CHST8: variants seen among roughly 807,000 people sequenced by gnomAD.
CHST8 encodes the protein carbohydrate sulfotransferase 8, also known as GALNAC-4-ST1.
Under a neutral mutation model 15.0 loss-of-function variants are expected in CHST8, and 10 were observed. The observed-to-expected ratio is 0.67, with a 90% CI of 0.41 to 1.13. The LOEUF (loss-of-function observed/expected upper bound fraction) is 1.13. Ranked by LOEUF, CHST8 falls within the 50% of genes most tolerant of loss-of-function variation. CHST8 has a pLI of 0.00. For synonymous variants in CHST8, 259 were observed against 256.6 expected (o/e 1.01, Z -0.09); for missense variants, 634 against 608.2 (o/e 1.04, Z -0.45).
intron 1 of CHST8, among the ~76,000 whole-genome samples, chr19:33,656,046 CG>C (rs1277610543): frequency 1.3e-5 from 2 of 152,150 alleles, no homozygotes; most frequent in African/African-American, 4.8e-5. Context: ...GGCCACATTC[CG>C]TAAGTTTTGG....
intron 1 of CHST8, among the ~76,000 whole-genome samples, chr19:33,628,472 T>C (rs572989381): frequency 6.6e-6 from 1 of 152,232 alleles, no homozygotes; most frequent in East Asian, 1.9e-4. Context: ...CCCTCAGACA[T>C]TGGTCTGGTC....
chr19:33,736,003 G>A (rs928235176), intron 3 of CHST8, among the ~76,000 whole-genome samples: 2 of 152,196 alleles, frequency 1.3e-5, no homozygotes, highest in Non-Finnish European at 2.9e-5. Context: ...CTGCTGCAGG[G>A]CCAGGGATGG....
chr19:33,704,184 G>C (rs1973398036), intron 3 of CHST8, among the ~76,000 whole-genome samples: 1 of 152,218 alleles, frequency 6.6e-6, no homozygotes, highest in African/African-American at 2.4e-5. Flanking sequence ...CAGGGATGAT[G>C]ATCCGTGAGC....
intron 1 of CHST8, among the ~76,000 whole-genome samples, chr19:33,665,968 G>C (rs975227384): frequency 6.6e-6 from 1 of 152,240 alleles, no homozygotes; most frequent in Admixed American, 6.5e-5. Flanking sequence ...TCTGCAGCTG[G>C]AGGCCGAAAG....
intron 1 of CHST8, among the ~76,000 whole-genome samples, chr19:33,640,320 G>T: frequency 6.6e-6 from 1 of 152,276 alleles, no homozygotes; most frequent in South Asian, 2.1e-4. Flanking sequence ...AGAACCTAGC[G>T]TGCAATTCTT....
At chr19:33,697,849 G>A (rs1380265627) in intron 3 of CHST8, among the ~76,000 whole-genome samples, 1 of 152,226 alleles carries the variant, frequency 6.6e-6, no homozygotes, top group Admixed American at 6.5e-5. Flanking sequence ...AGCATGACCT[G>A]TGGATCTAGA....
intron 2 of CHST8, among the ~76,000 whole-genome samples, chr19:33,675,856 C>G: frequency 6.6e-6 from 1 of 152,216 alleles, no homozygotes; most frequent in Non-Finnish European, 1.5e-5. Flanking sequence ...CACAAAAGTC[C>G]TTGAACCGGG....
chr19:33,718,923 T>A (rs998295490), intron 3 of CHST8, among the ~76,000 whole-genome samples: 3 of 152,046 alleles, frequency 2.0e-5, no homozygotes, highest in African/African-American at 7.2e-5. Flanking sequence ...TGAATCTCTG[T>A]TGCTACTGAG....
rs115669813 is a variant in CHST8, at chr19:33,629,526, G to T, written c.-164+7230G>T. 9.1e-3 allele frequency among the ~76,000 whole-genome samples: 1,393 copies of T among 152,342 alleles called. 9 individuals are homozygous for T. The highest frequency in any genetic ancestry group is 0.014 in the Middle Eastern group (4 of 294). On this transcript the variant is annotated intron_variant, in intron 1 of 4. Transcript: ENST00000650847. Reference sequence around the variant, plus strand: ...TGTGGCTGTCTGCAGCACAGGTCGGGCCCTGGGTTCCCTGCAGACATCGGC... The same window carrying T: ...TGTGGCTGTCTGCAGCACAGGTCGGTCCCTGGGTTCCCTGCAGACATCGGC...
chr19:33,728,108 G>A lies in CHST8; in HGVS notation c.130+38717G>A, dbSNP rs370015663. Among the ~76,000 whole-genome samples, 6 of 152,286 alleles carry A rather than the reference G, an allele frequency of 3.9e-5. No individual in the cohort carries two copies. In the East Asian group the frequency reaches 1.2e-3, roughly 29 times the overall value. On this transcript the variant is annotated intron_variant, in intron 3 of 4. Transcript: ENST00000650847. ...ACATGCCATCAGAGCAGACAGAACT[G>A]TATTTCCAGAGCACATGTTAGTTTT...
At chr19:33,766,519 G>A (rs1974846941) in intron 3 of CHST8, among the ~76,000 whole-genome samples, 1 of 152,218 alleles carries the variant, frequency 6.6e-6, no homozygotes, top group African/African-American at 2.4e-5. Context: ...CCTTTCTTGT[G>A]TGCACCTTAG....
At chr19:33,697,321 C>A (rs1973237467) in intron 3 of CHST8, among the ~76,000 whole-genome samples, 1 of 152,124 alleles carries the variant, frequency 6.6e-6, no homozygotes, top group Non-Finnish European at 1.5e-5. Context: ...CCTTGACTTC[C>A]TGGGCTCCAG....
Position 33,772,735 on chromosome 19 carries a change from T to A in CHST8, c.947T>A (p.Leu316Gln). The A allele has an allele frequency of 6.2e-7, 1 of 1,613,414 alleles. No individual in the cohort carries two copies. The highest frequency in any genetic ancestry group is 8.5e-7 in the Non-Finnish European group (1 of 1,179,972). ...VRFPEFVQYL[L>Q]DVHRPVGMDI... is the part of the protein sequence containing the mutation. The stretch of plus-strand genomic sequence containing the variant: ...TTTCCCGAGTTCGTCCAGTACCTGC[T>A]GGACGTGCACCGGCCCGTGGGGATG... The change falls in exon 5 of 5, where the codon CTG (leucine) becomes CAG (glutamine). Residue 316 changes from leucine (L) to glutamine (Q), a missense_variant. Leu to Gln is a moderately radical substitution (Grantham distance 113, BLOSUM62 -2). Coordinates refer to ENST00000650847, the MANE Select transcript of CHST8 (RefSeq NM_001127895.2).
intron 3 of CHST8, among the ~76,000 whole-genome samples, chr19:33,733,033 C>T (rs1974021811): frequency 6.6e-6 from 1 of 152,068 alleles, no homozygotes; most frequent in Admixed American, 6.6e-5. Context: ...GGCTGCATGA[C>T]AGAACTCAAT....
At chr19:33,745,596 G>A (rs750589782) in intron 3 of CHST8, among the ~76,000 whole-genome samples, 1 of 152,216 alleles carries the variant, frequency 6.6e-6, no homozygotes, top group Non-Finnish European at 1.5e-5. Context: ...AATTGCACGG[G>A]GCTGGGAGGG....
chr19:33,739,702 ATG>A (rs1434086116), intron 3 of CHST8, among the ~76,000 whole-genome samples: 2 of 152,216 alleles, frequency 1.3e-5, no homozygotes, highest in Non-Finnish European at 2.9e-5. Flanking sequence ...AAGAGCTCAC[ATG>A]TGCCTGTCTG....
chr19:33,716,005 C>A (rs1197740619), intron 3 of CHST8, among the ~76,000 whole-genome samples: 1 of 152,202 alleles, frequency 6.6e-6, no homozygotes, highest in Non-Finnish European at 1.5e-5. Flanking sequence ...CCAACGTCTA[C>A]CAGACCCTTC....
At chr19:33,755,351 T>C (rs944893964) in intron 3 of CHST8, among the ~76,000 whole-genome samples, 1 of 152,246 alleles carries the variant, frequency 6.6e-6, no homozygotes, top group Non-Finnish European at 1.5e-5. Flanking sequence ...GCATCCCCCA[T>C]GTGATTTATT....
intron 2 of CHST8, among the ~76,000 whole-genome samples, chr19:33,684,227 G>C (rs962507002): frequency 6.6e-6 from 1 of 152,222 alleles, no homozygotes; most frequent in Non-Finnish European, 1.5e-5. Flanking sequence ...TCTCCACCTC[G>C]GAACGCCCTT....
Sources: gnomAD v4.1 joint callset for allele counts (sites outside exome capture counted in the v4.1 genomes callset) on GRCh38, gnomAD v4.1.1 for gene constraint, MANE v1.5 for transcripts, NCBI Gene and HGNC (gene_info 2026-07-23, HGNC 2026-07-21) for gene names.